The following PRKAG2 variants were observed in gnomAD, a reference collection of about 807,000 sequenced individuals.
The protein encoded by PRKAG2 is protein kinase AMP-activated non-catalytic subunit gamma 2, also known as 5'-AMP-activated protein kinase subunit gamma-2.
Under a neutral mutation model 69.6 loss-of-function variants are expected in PRKAG2, and 26 were observed. That is an observed-to-expected ratio of 0.37 (90% confidence interval 0.27 to 0.52). The LOEUF (loss-of-function observed/expected upper bound fraction) is 0.52, where lower values mean the gene tolerates loss of function less well. Ranked by LOEUF, PRKAG2 falls within the 20% of genes least tolerant of loss-of-function variation. PRKAG2 has a pLI of 0.90. For missense variants in PRKAG2, 557 were observed against 740.0 expected (o/e 0.75, Z 2.87); for synonymous variants, 293 against 285.0 (o/e 1.03, Z -0.28).
intron 1 of PRKAG2, among the ~76,000 whole-genome samples, chr7:151,831,818 C>T (rs1293516567): frequency 1.3e-5 from 2 of 152,174 alleles, no homozygotes; most frequent in African/African-American, 2.4e-5. Context: ...GTGTCCCTGG[C>T]CTGCCTGCAC....
At chr7:151,667,611 G>T (rs894455462) in intron 4 of PRKAG2, among the ~76,000 whole-genome samples, 1 of 152,230 alleles carries the variant, frequency 6.6e-6, no homozygotes. Flanking sequence ...GGAGGAAACA[G>T]ATTCTACCTT....
In PRKAG2 at chr7:151,564,372, T is replaced by A; in HGVS notation, c.1438-148A>T. The A allele has an allele frequency of 5.2e-6, 4 of 765,914 alleles. No homozygotes were observed. The South Asian group carries it at 6.5e-5, about 12-fold the overall frequency. 47.4% of individuals were successfully genotyped at this position (765,914 alleles called of 1,614,324 possible). Reference sequence around the variant, plus strand: ...GCATACATCAGACGTTCTTTCTGGCTTACGACATGCCATTGCTACTGTTAT... The same window carrying A: ...GCATACATCAGACGTTCTTTCTGGCATACGACATGCCATTGCTACTGTTAT... On this transcript the variant is annotated intron_variant, in intron 13 of 15. Coordinates refer to ENST00000287878, the MANE Select transcript of PRKAG2 (RefSeq NM_016203.4).
At chr7:151,604,541 A>C (rs1303439008) in intron 5 of PRKAG2, among the ~76,000 whole-genome samples, 1 of 152,032 alleles carries the variant, frequency 6.6e-6, no homozygotes, top group Non-Finnish European at 1.5e-5. Flanking sequence ...CAGGAGGCTG[A>C]GGTGGGAGGG....
intron 3 of PRKAG2, among the ~76,000 whole-genome samples, chr7:151,684,308 G>T (rs758019348): frequency 6.6e-6 from 1 of 152,096 alleles, no homozygotes; most frequent in Non-Finnish European, 1.5e-5. Context: ...TGCCCCCAAC[G>T]ATACAGTTTC....
intron 3 of PRKAG2, among the ~76,000 whole-genome samples, chr7:151,708,286 G>C (rs1838962588): frequency 6.6e-6 from 1 of 152,134 alleles, no homozygotes; most frequent in Non-Finnish European, 1.5e-5. Context: ...ACTCTGAAAG[G>C]CCGCATTAGT....
In PRKAG2 at chr7:151,675,643, G is replaced by A; in HGVS notation, c.467-6C>T. 6.2e-7 allele frequency: 1 copy of A among 1,609,370 alleles called. No homozygotes were observed. The highest frequency in any genetic ancestry group is 8.5e-7 in the Non-Finnish European group (1 of 1,175,602). On this transcript the variant is annotated splice_polypyrimidine_tract_variant and splice_region_variant and intron_variant, in intron 3 of 15. Coordinates refer to ENST00000287878, the MANE Select transcript of PRKAG2 (RefSeq NM_016203.4). ...AGAGGAGGAGAGGCCGGAGGCTGCA[G>A]AAGAAACACCAAGGACGGTCAGAGG...
chr7:151,688,192 T>G (rs1309437308), intron 3 of PRKAG2, among the ~76,000 whole-genome samples: 1 of 152,156 alleles, frequency 6.6e-6, no homozygotes, highest in African/African-American at 2.4e-5. Flanking sequence ...GGGAAAGGCT[T>G]CCTGGCCCTG....
At chr7:151,802,361 C>T (rs1045727082) in intron 1 of PRKAG2, among the ~76,000 whole-genome samples, 11 of 152,174 alleles carry the variant, frequency 7.2e-5, no homozygotes, top group Admixed American at 1.3e-4. Context: ...CTCAGGTCTT[C>T]GTGCCCAAAG....
At chr7:151,854,055 C>T (rs1249121512) in intron 1 of PRKAG2, among the ~76,000 whole-genome samples, 2 of 152,200 alleles carry the variant, frequency 1.3e-5, no homozygotes, top group Non-Finnish European at 2.9e-5. Context: ...TCACCAGCAG[C>T]CCAAAGGCAA....
At chr7:151,623,391 AGC>A (rs1821998179) in intron 5 of PRKAG2, among the ~76,000 whole-genome samples, 2 of 142,890 alleles carry the variant, frequency 1.4e-5, no homozygotes, top group Non-Finnish European at 3.1e-5. Flanking sequence ...AAAAAAAAAA[AGC>A]TCATAAAGAG....
intron 1 of PRKAG2, among the ~76,000 whole-genome samples, chr7:151,847,442 C>T (rs77267005): frequency 5.2e-4 from 79 of 152,266 alleles, no homozygotes; most frequent in African/African-American, 1.8e-3. Context: ...CACATCCTCA[C>T]GGACGCTGGC....
chr7:151,631,206 A>T (rs1175638483), intron 5 of PRKAG2, among the ~76,000 whole-genome samples: 1 of 152,256 alleles, frequency 6.6e-6, no homozygotes, highest in Non-Finnish European at 1.5e-5. Context: ...TAATGGAAGC[A>T]CACAAGACAG....
At chr7:151,830,740 C>G (rs1361289318) in intron 1 of PRKAG2, among the ~76,000 whole-genome samples, 1 of 140,478 alleles carries the variant, frequency 7.1e-6, no homozygotes, top group Non-Finnish European at 1.5e-5. Context: ...GGAAAACTCC[C>G]TCTGGCCAAA....
intron 14 of PRKAG2, among the ~76,000 whole-genome samples, chr7:151,563,121 T>C (rs2150984915): frequency 6.6e-6 from 1 of 152,288 alleles, no homozygotes; most frequent in South Asian, 2.1e-4. Flanking sequence ...ATGTCCTTTG[T>C]TGGAGGTACC....
intron 6 of PRKAG2, among the ~76,000 whole-genome samples, chr7:151,594,491 C>A (rs4725413): frequency 0.19 from 28,808 of 152,026 alleles, 3,301 homozygotes; most frequent in African/African-American, 0.32. Flanking sequence ...AGTTGCAATA[C>A]GCATAATTTT....
At chr7:151,663,935 G>A (rs772079210) in intron 4 of PRKAG2, among the ~76,000 whole-genome samples, 6 of 152,232 alleles carry the variant, frequency 3.9e-5, no homozygotes, top group East Asian at 3.8e-4. Flanking sequence ...TTTCGGCTTT[G>A]TGAGCCATAT....
At chr7:151,690,059 CTT>C (rs1835424482) in intron 3 of PRKAG2, among the ~76,000 whole-genome samples, 1 of 152,192 alleles carries the variant, frequency 6.6e-6, no homozygotes, top group Non-Finnish European at 1.5e-5. Context: ...TGGTTGCATC[CTT>C]TCAAAGACGA....
chr7:151,629,146 C>T (rs1431362344), intron 5 of PRKAG2, among the ~76,000 whole-genome samples: 1 of 152,196 alleles, frequency 6.6e-6, no homozygotes. Flanking sequence ...TTTCTGCTTT[C>T]TTGCTACAAG....
rs79474211 is a variant in PRKAG2 at position 151,781,320 on chromosome 7, C to T, written c.298G>A (p.Gly100Ser). Reference protein sequence around the residue: ...SAPVRPKTSPGSPKTVFPFSY... With the variant: ...SAPVRPKTSPSSPKTVFPFSY... ...AACGGGAACACGGTTTTGGGAGAGC[C>T]GGGGCTGGTCTTGGGCCTCACAGGT... Residue 100 changes from glycine (G) to serine (S), a missense_variant, in exon 3 of 16, where the codon GGC (glycine) becomes AGC (serine). By Grantham distance (56) the Gly-to-Ser change is moderately conservative. This residue lies in a region of PRKAG2 where 352 missense variants were observed against 356.7 expected (regional missense o/e 0.99). Transcript: ENST00000287878. This position sits in a 1 kb window ranked among gnomAD's most constrained non-coding sequence, Gnocchi z 6.1. 4.2e-3 allele frequency: 6,787 copies of T among 1,613,886 alleles called. 177 individuals carry two copies. The East Asian group carries it at 0.052, about 12-fold the overall frequency.
Sources: gnomAD v4.1 joint callset for allele counts (sites outside exome capture counted in the v4.1 genomes callset) on GRCh38, gnomAD v4.1.1 for gene constraint, gnomAD v4.1.1 regional missense constraint, Gnocchi (gnomAD v3.1) non-coding constraint, MANE v1.5 for transcripts, NCBI Gene and HGNC (gene_info 2026-07-23, HGNC 2026-07-21) for gene names.